The following DSP variants were observed in gnomAD, a reference collection of about 807,000 sequenced individuals.
DSP encodes 250/210 kDa paraneoplastic pemphigus antigen.
DSP carries 114 observed loss-of-function variants against 290.6 expected under a neutral mutation model. The observed-to-expected ratio is 0.39, with a 90% CI of 0.34 to 0.46. The LOEUF is 0.46. Among genes scored for constraint, DSP ranks in the 20% least tolerant of loss-of-function variants. The probability of loss-of-function intolerance (pLI) is 0.99; values close to 1 mark genes in which losing one functional copy is unlikely to be tolerated. For synonymous variants in DSP, 1,311 were observed against 1,316.4 expected, an observed-to-expected ratio of 1.00 and a Z score of 0.09; for missense variants, 3,230 against 3,495.8, an observed-to-expected ratio of 0.92 and a Z score of 1.92.
In DSP at chr6:7,582,128, G is replaced by GT. The variant is rs1759456182; in HGVS notation, c.5380-513dup. On this transcript the variant is annotated intron_variant, in intron 23 of 23. Coordinates refer to ENST00000379802, the MANE Select transcript of DSP (RefSeq NM_004415.4). The surrounding 1 kb of genome is among the most constrained non-coding windows in gnomAD (Gnocchi z 4.2). ...TAACTTCTACAGACAATATTTGTGTGTGGCTGGGTTGGTGTGTGTGTGTGT... is the reference window on the plus strand; with the variant it reads ...TAACTTCTACAGACAATATTTGTGTGTTGGCTGGGTTGGTGTGTGTGTGTGT... 7.2e-6 allele frequency among the ~76,000 whole-genome samples: 1 copy of GT among 138,194 alleles called. No individual in the cohort carries two copies. Among genetic ancestry groups the GT allele is most frequent in the South Asian group, 2.3e-4 (1 of 4,270 alleles). The allele number at this position is 138,194 out of a possible 152,430, so 90.7% of individuals were successfully genotyped here. A position where few individuals can be genotyped will look rare whatever the true frequency, so the allele number is the denominator to read the frequency against.
rs758047603 is a variant in DSP, at chr6:7,585,263, G to C, written c.8001G>C (p.Gln2667His). Residue 2667 changes from glutamine (Q) to histidine (H), a missense_variant, in exon 24 of 24, where the codon CAG (glutamine) becomes CAC (histidine). By Grantham distance (24) the Gln-to-His change is conservative. Around this residue, in one of 5 missense-constraint regions of DSP, gnomAD observed 582 missense variants for 555.4 expected, o/e 1.05. Transcript: ENST00000379802. ...TGGIIHPTTG[Q>H]KLSLQDAVSQ... ...GCATCATCCACCCAACCACGGGCCAGAAGCTGTCACTTCAGGACGCAGTCT... is the reference window on the plus strand; with the variant it reads ...GCATCATCCACCCAACCACGGGCCACAAGCTGTCACTTCAGGACGCAGTCT... 4 of 1,614,200 alleles carry C rather than the reference G, an allele frequency of 2.5e-6. No individual in the cohort carries two copies. Among genetic ancestry groups the C allele is most frequent in the Admixed American group, 1.7e-5 (1 of 60,030 alleles).
At chr6:7,547,185 G>A (rs535330098) in intron 1 of DSP, among the ~76,000 whole-genome samples, 3 of 152,032 alleles carry the variant, frequency 2.0e-5, no homozygotes, top group Admixed American at 6.6e-5. Flanking sequence ...GCTTGAAAAC[G>A]TTCAGATGTG....
chr6:7,542,910 G>A (rs1168178504), intron 1 of DSP, among the ~76,000 whole-genome samples: 1 of 151,686 alleles, frequency 6.6e-6, no homozygotes, highest in Non-Finnish European at 1.5e-5. Flanking sequence ...CCGCATGTCT[G>A]CTTTGATCCA....
intron 1 of DSP, among the ~76,000 whole-genome samples, chr6:7,550,400 G>A (rs1758304364): frequency 6.6e-6 from 1 of 152,130 alleles, no homozygotes; most frequent in East Asian, 1.9e-4. Flanking sequence ...CACATGTAAA[G>A]CTAATGCCTT....
chr6:7,566,436 T>C lies in DSP; in HGVS notation c.999T>C (p.Ser333=). 6.2e-7 allele frequency: 1 copy of C among 1,613,994 alleles called. No individual in the cohort carries two copies. The highest frequency in any genetic ancestry group is 8.5e-7 in the Non-Finnish European group (1 of 1,180,018). The change falls in exon 8 of 24, where the codon AGT becomes AGC. Residue 333 remains serine, a synonymous_variant. Coordinates refer to ENST00000379802, the MANE Select transcript of DSP (RefSeq NM_004415.4). ...EKELNKLKQE[S]DQLVLNQHPA... ...AGCTCAATAAGCTGAAACAAGAAAGTGACCAACTTGTCCTCAATCAGCATC... is the reference window on the plus strand; with the variant it reads ...AGCTCAATAAGCTGAAACAAGAAAGCGACCAACTTGTCCTCAATCAGCATC...
At chr6:7,562,233 A>G (rs1405060855) in intron 4 of DSP, among the ~76,000 whole-genome samples, 1 of 152,102 alleles carries the variant, frequency 6.6e-6, no homozygotes, top group Non-Finnish European at 1.5e-5. Context: ...TTTGGGGAAC[A>G]GTGTATGATT....
chr6:7,582,850 A>G lies in DSP; in HGVS notation c.5588A>G (p.Asp1863Gly), dbSNP rs1386032101. The change falls in exon 24 of 24, where the codon GAC becomes GGC. Residue 1863 changes from aspartate to glycine, a missense_variant. By Grantham distance (94) the Asp-to-Gly change is moderately conservative (BLOSUM62 -1). Around this residue, in one of 5 missense-constraint regions of DSP, gnomAD observed 1,714 missense variants for 1,844.5 expected, o/e 0.93. Transcript: ENST00000379802. This position sits in a 1 kb window ranked among gnomAD's most constrained non-coding sequence, Gnocchi z 4.2. The stretch of plus-strand genomic sequence containing the variant: ...TGTGAGAAACAGCAAATTCAGAATG[A>G]CCTGAATCAGTGGAAGACTCAATAT... ...LECEKQQIQN[D>G]LNQWKTQYSR... 1 of 1,614,128 alleles carries G rather than the reference A, an allele frequency of 6.2e-7. No homozygotes were observed. The highest frequency in any genetic ancestry group is 2.2e-5 in the East Asian group (1 of 44,876).
At chr6:7,577,670 T>G in intron 20 of DSP, 109 bp from the exon 21 acceptor site, 5 of 908,582 alleles carry the variant, frequency 5.5e-6, no homozygotes, top group Non-Finnish European at 9.1e-6. Flanking sequence ...GTCTTTGGAG[T>G]GGGCAATTAG....
In DSP at chr6:7,584,641, C is replaced by T. The variant is rs1431850205; in HGVS notation, c.7379C>T (p.Thr2460Ile). 2 of 1,614,062 alleles carry T rather than the reference C, an allele frequency of 1.2e-6. No homozygotes were observed. Among genetic ancestry groups the T allele is most frequent in the African/African-American group, 1.3e-5 (1 of 75,034 alleles). The change falls in exon 24 of 24, where the codon ACC becomes ATC. Residue 2460 changes from threonine (T) to isoleucine (I), a missense_variant. By Grantham distance (89) the Thr-to-Ile change is moderately conservative. Transcript: ENST00000379802. The surrounding 1 kb of genome is among the most constrained non-coding windows in gnomAD (Gnocchi z 6.4). ...KKQVQTSQKN[T>I]LRKRRVVIVD... The stretch of plus-strand genomic sequence containing the variant: ...CAGGTGCAGACATCACAAAAGAATA[C>T]CCTCAGGAAGCGTAGAGTGGTCATA...
intron 1 of DSP, among the ~76,000 whole-genome samples, chr6:7,544,848 CTACT>C (rs1561672570): frequency 1.3e-5 from 2 of 152,136 alleles, no homozygotes; most frequent in African/African-American, 4.8e-5. Context: ...GAATCTGCAA[CTACT>C]TAATTTTGTT....
intron 1 of DSP, among the ~76,000 whole-genome samples, chr6:7,550,348 C>T (rs1758303256): frequency 6.6e-6 from 1 of 152,138 alleles, no homozygotes; most frequent in African/African-American, 2.4e-5. Context: ...AGCCACGGCA[C>T]CCAACCTTGT....
intron 4 of DSP, among the ~76,000 whole-genome samples, 162 bp downstream of exon 4, chr6:7,559,562 T>G (rs1758619260): frequency 6.6e-6 from 1 of 152,244 alleles, no homozygotes; most frequent in South Asian, 2.1e-4. Flanking sequence ...AAAAGTGGTC[T>G]TCTATTTTGG....
chr6:7,561,032 A>G (rs1315159738), intron 4 of DSP, among the ~76,000 whole-genome samples: 2 of 150,876 alleles, frequency 1.3e-5, no homozygotes, highest in African/African-American at 2.4e-5. Context: ...TCTCACTGCA[A>G]CCTCTATCTC....
rs150574081 is a variant in DSP at position 7,584,453 on chromosome 6, C to T, written c.7191C>T (p.Phe2397=). 1.9e-6 allele frequency: 3 copies of T among 1,614,010 alleles called. No homozygotes were observed. The African/African-American group carries it at 4.0e-5, about 22-fold the overall frequency. The change falls in exon 24 of 24, where the codon TTC becomes TTT. Residue 2397 remains phenylalanine (F), a synonymous_variant. Coordinates refer to ENST00000379802, the MANE Select transcript of DSP (RefSeq NM_004415.4). The surrounding 1 kb of genome is among the most constrained non-coding windows in gnomAD (Gnocchi z 6.4). ...ACATAGCATATAAGAGGGGCTATTT[C>T]AATGAGGAACTCAGTGAGATTCTCT... is the stretch of plus-strand genomic sequence containing the variant. ...PVDIAYKRGY[F]NEELSEILSD... is the part of the protein sequence containing the mutation.
rs760214732 is a variant in DSP, at chr6:7,571,938, G to C, written c.2000G>C (p.Trp667Ser). The stretch of plus-strand genomic sequence containing the variant: ...AGAGAAAATGACAAGCAAGAAACAT[G>C]GATGCTGATGGAGCTGCAGAAGATT... ...TNRENDKQET[W>S]MLMELQKIRR... Residue 667 changes from tryptophan to serine, a missense_variant, in exon 15 of 24, where the codon TGG becomes TCG. By Grantham distance (177) the Trp-to-Ser change is radical. Transcript: ENST00000379802. The C allele has an allele frequency of 3.7e-6, 6 of 1,614,118 alleles. No individual in the cohort carries two copies. The Admixed American group carries it at 1.0e-4, about 27-fold the overall frequency.
intron 19 of DSP, 66 bp downstream of exon 19, chr6:7,576,522 T>C: frequency 6.3e-7 from 1 of 1,595,872 alleles, no homozygotes; most frequent in South Asian, 1.1e-5. Flanking sequence ...TGTTTTCCTC[T>C]GGTTTTTGTA....
intron 1 of DSP, among the ~76,000 whole-genome samples, chr6:7,549,902 T>G (rs976860720): frequency 3.3e-5 from 5 of 152,240 alleles, no homozygotes; most frequent in Non-Finnish European, 7.3e-5. Flanking sequence ...AGTATTTTTA[T>G]AAAACAAAGA....
chr6:7,567,063 G>T (rs990232636), intron 8 of DSP, among the ~76,000 whole-genome samples: 14 of 152,178 alleles, frequency 9.2e-5, no homozygotes, highest in African/African-American at 3.4e-4. Context: ...TCCAGTGCTA[G>T]CCCCAGTGAC....
intron 1 of DSP, among the ~76,000 whole-genome samples, chr6:7,553,825 GTCT>G (rs767422403): frequency 2.0e-5 from 3 of 152,164 alleles, no homozygotes; most frequent in Non-Finnish European, 4.4e-5. Context: ...AGGAGCCTGT[GTCT>G]TCTTCTGGGA....
Sources: gnomAD v4.1 joint callset for allele counts (sites outside exome capture counted in the v4.1 genomes callset) on GRCh38, gnomAD v4.1.1 for gene constraint, gnomAD v4.1.1 regional missense constraint, Gnocchi (gnomAD v3.1) non-coding constraint, MANE v1.5 for transcripts, NCBI Gene and HGNC (gene_info 2026-07-23, HGNC 2026-07-21) for gene names.